Variants in CPNE4 observed in about 807,000 individuals in gnomAD.
CPNE4 encodes copine 4, also known as copine-4.
A neutral mutation model predicts 67.9 loss-of-function variants in CPNE4; 25 were observed. The observed-to-expected ratio is 0.37, with a 90% confidence interval of 0.27 to 0.51. The LOEUF is 0.51. Ranked by LOEUF, CPNE4 falls within the 20% of genes least tolerant of loss-of-function variation. The probability of loss-of-function intolerance (pLI) is 0.93; values close to 1 mark genes in which losing one functional copy is unlikely to be tolerated. For synonymous variants in CPNE4, 242 were observed against 244.9 expected, an observed-to-expected ratio of 0.99 and a Z score of 0.11; for missense variants, 464 against 690.8, an observed-to-expected ratio of 0.67 and a Z score of 3.68.
chr3:131,947,132 A>C (rs1177195058), intron 1 of CPNE4, among the ~76,000 whole-genome samples: 1 of 152,194 alleles, frequency 6.6e-6, no homozygotes, highest in African/African-American at 2.4e-5. Flanking sequence ...GAAATCAAGA[A>C]GTTATTCCTC....
chr3:131,873,183 T>C (rs942035031), intron 2 of CPNE4, among the ~76,000 whole-genome samples: 2 of 152,242 alleles, frequency 1.3e-5, no homozygotes, highest in Non-Finnish European at 2.9e-5. Flanking sequence ...GACCATGCCA[T>C]CTCAACCTTT....
At chr3:131,952,248 G>C (rs1225008) in intron 1 of CPNE4, among the ~76,000 whole-genome samples, 8 of 150,780 alleles carry the variant, frequency 5.3e-5, no homozygotes, top group African/African-American at 1.5e-4. Flanking sequence ...GCCTCTGCCC[G>C]GCCGCGAACC....
rs1218414435 is a variant in CPNE4 at position 131,699,955 on chromosome 3, T to G, written c.386A>C (p.Lys129Thr). The G allele has an allele frequency of 3.1e-6, 5 of 1,612,362 alleles. No individual in the cohort carries two copies. In the African/African-American group the frequency reaches 5.3e-5, roughly 17 times the overall value. Residue 129 changes from lysine to threonine, a missense_variant, in exon 4 of 16, where the codon AAA becomes ACA. By Grantham distance (78) the Lys-to-Thr change is moderately conservative. Around this residue, in one of 6 missense-constraint regions of CPNE4, gnomAD observed 170 missense variants for 203.3 expected, o/e 0.84. Transcript: ENST00000429747. ...TGTGTTCCCATGCTTCAGCAAGGAT[T>G]TGGACAGCTTTCTCTGGGAAACAAT... ...GQIVSQRKLS[K>T]SLLKHGNTAG... is the part of the protein sequence containing the mutation.
intron 2 of CPNE4, among the ~76,000 whole-genome samples, chr3:131,808,639 A>G (rs1159924845): frequency 6.6e-6 from 1 of 152,198 alleles, no homozygotes; most frequent in East Asian, 1.9e-4. Context: ...ACAATCTTTA[A>G]AATATTTTGA....
chr3:131,776,988 G>A (rs1222672526), intron 2 of CPNE4, among the ~76,000 whole-genome samples: 1 of 152,102 alleles, frequency 6.6e-6, no homozygotes, highest in East Asian at 1.9e-4. Flanking sequence ...TAGTAGCTCA[G>A]GGAAGTTGGC....
At chr3:131,575,866 G>A (rs920994710) in intron 9 of CPNE4, among the ~76,000 whole-genome samples, 17 of 151,700 alleles carry the variant, frequency 1.1e-4, no homozygotes, top group African/African-American at 3.9e-4. Context: ...TGGTTGTTGC[G>A]TTATGCCAAC....
intron 1 of CPNE4, among the ~76,000 whole-genome samples, chr3:131,936,896 T>A (rs2071238908): frequency 6.6e-6 from 1 of 150,608 alleles, no homozygotes. Flanking sequence ...AAGGAGAAAT[T>A]TTAAAAGACA....
intron 7 of CPNE4, among the ~76,000 whole-genome samples, chr3:131,653,003 C>A (rs1368419349): frequency 5.3e-5 from 8 of 152,174 alleles, no homozygotes; most frequent in African/African-American, 1.9e-4. Context: ...AGGTATGGTA[C>A]CATTTTTCAT....
chr3:131,553,923 C>G (rs1213966336), intron 12 of CPNE4, among the ~76,000 whole-genome samples: 2 of 152,036 alleles, frequency 1.3e-5, no homozygotes, highest in African/African-American at 4.8e-5. Context: ...CCTATTGAAA[C>G]AAGAATAACC....
chr3:131,799,960 T>C (rs970031623), intron 2 of CPNE4, among the ~76,000 whole-genome samples: 1 of 148,360 alleles, frequency 6.7e-6, no homozygotes, highest in African/African-American at 2.5e-5. Context: ...TGTGTGTATT[T>C]CATACATCTC....
intron 2 of CPNE4, among the ~76,000 whole-genome samples, chr3:131,876,693 T>C (rs1412980489): frequency 2.0e-5 from 3 of 151,650 alleles, no homozygotes; most frequent in African/African-American, 2.4e-5. Flanking sequence ...CTCTGTTTCA[T>C]TGAGTGTGTG....
intron 7 of CPNE4, among the ~76,000 whole-genome samples, chr3:131,609,749 A>C (rs529077727): frequency 6.6e-6 from 1 of 152,318 alleles, no homozygotes; most frequent in African/African-American, 2.4e-5. Flanking sequence ...AATTTTCAAG[A>C]ATATTTCATA....
chr3:131,537,945 G>A (rs903001286), intron 15 of CPNE4, among the ~76,000 whole-genome samples: 5 of 152,136 alleles, frequency 3.3e-5, no homozygotes, highest in Non-Finnish European at 7.4e-5. Context: ...TTCTTTGTGT[G>A]GGGGACTGTC....
chr3:131,884,837 G>T (rs1436058241), intron 2 of CPNE4, among the ~76,000 whole-genome samples: 1 of 152,104 alleles, frequency 6.6e-6, no homozygotes, highest in Non-Finnish European at 1.5e-5. Context: ...GTTCCTCCTT[G>T]CCTTCTCCCA....
At chr3:131,896,515 A>G (rs1171852660) in intron 2 of CPNE4, among the ~76,000 whole-genome samples, 1 of 152,136 alleles carries the variant, frequency 6.6e-6, no homozygotes, top group East Asian at 1.9e-4. Context: ...TCTAATAGGG[A>G]AAATATGTAT....
chr3:131,860,830 A>G (rs2086648381), intron 2 of CPNE4, among the ~76,000 whole-genome samples: 1 of 152,218 alleles, frequency 6.6e-6, no homozygotes, highest in South Asian at 2.1e-4. Context: ...GAAGATACTC[A>G]CAACTGACAG....
intron 2 of CPNE4, among the ~76,000 whole-genome samples, chr3:131,904,683 A>C (rs996382156): frequency 4.6e-5 from 7 of 152,082 alleles, no homozygotes; most frequent in African/African-American, 1.7e-4. Context: ...TCTACTGCAG[A>C]CAGAGATTTC....
intron 2 of CPNE4, among the ~76,000 whole-genome samples, chr3:131,789,312 G>A (rs1027562611): frequency 3.3e-5 from 5 of 152,120 alleles, no homozygotes; most frequent in Non-Finnish European, 4.4e-5. Context: ...TGACGCCCTT[G>A]TACTCTCAGA....
intron 1 of CPNE4, among the ~76,000 whole-genome samples, chr3:131,981,596 A>G (rs1006653994): frequency 6.6e-6 from 1 of 152,096 alleles, no homozygotes; most frequent in African/African-American, 2.4e-5. Flanking sequence ...CCCTCCCCCG[A>G]GTTCTGGCCA....
Sources: allele counts gnomAD v4.1 joint callset (sites outside exome capture counted in the v4.1 genomes callset), GRCh38; gene constraint gnomAD v4.1.1; regional missense constraint gnomAD v4.1.1; transcripts MANE v1.5; gene names NCBI Gene and HGNC (gene_info 2026-07-23, HGNC 2026-07-21).